The following GPR180 variants were observed in gnomAD, a reference collection of about 807,000 sequenced individuals.
The protein encoded by GPR180 is G protein-coupled receptor 180.
A neutral mutation model predicts 52.6 loss-of-function variants in GPR180; 53 were observed. The ratio of observed to expected loss-of-function variants is 1.01; its 90% confidence interval spans 0.81 to 1.27. The LOEUF is 1.27. Ranked by LOEUF, GPR180 falls within the 50% of genes most tolerant of loss-of-function variation. The probability of loss-of-function intolerance (pLI) is 0.00; values close to 1 mark genes in which losing one functional copy is unlikely to be tolerated. For missense variants in GPR180, 533 were observed against 527.0 expected (o/e 1.01, Z -0.11); for synonymous variants, 200 against 193.1 (o/e 1.04, Z -0.30).
chr13:94,625,025 G>T (rs1889908772), intron 7 of GPR180, among the ~76,000 whole-genome samples: 1 of 149,514 alleles, frequency 6.7e-6, no homozygotes. Context: ...TGTTGGTCAG[G>T]CTGTTCTGGA....
At position 94,601,880 on chromosome 13, in the gene GPR180, C is replaced by T. The variant is rs1454530285; in HGVS notation, c.-48C>T. The T allele has an allele frequency of 5.2e-6, 7 of 1,337,904 alleles. No homozygotes were observed. Among genetic ancestry groups the T allele is most frequent in the Non-Finnish European group, 6.7e-6 (7 of 1,043,938 alleles). The allele number at this position is 1,337,904 out of a possible 1,614,324, so 82.9% of individuals were successfully genotyped here. On this transcript the variant is annotated 5_prime_UTR_variant, in exon 1 of 9. Transcript: ENST00000376958. ...CCAGCTGCCGACGTGGGGCGGGCAG[C>T]CGCCGGCGGCTGGGAGCCGAGGCGT...
At position 94,628,128 on chromosome 13, in the gene GPR180, A is replaced by G. The variant is rs1425923076; in HGVS notation, c.*957A>G. ...TTAATCAGGATTAAATTTTCTATGA[A>G]TAATTGAAAAACAAAACACTCACTG... On this transcript the variant is annotated 3_prime_UTR_variant, in exon 9 of 9. Coordinates refer to ENST00000376958, the MANE Select transcript of GPR180 (RefSeq NM_180989.6). 6.6e-6 allele frequency: 1 copy of G among 152,536 alleles called. No individual in the cohort carries two copies. The highest frequency in any genetic ancestry group is 1.5e-5 in the Non-Finnish European group (1 of 67,928). 9.4% of individuals were successfully genotyped at this position (152,536 alleles called of 1,614,324 possible).
intron 7 of GPR180, among the ~76,000 whole-genome samples, chr13:94,624,529 G>T (rs1457295086): frequency 6.6e-6 from 1 of 152,162 alleles, no homozygotes; most frequent in Non-Finnish European, 1.5e-5. Context: ...TATTTGAGGT[G>T]TTTAGGCATT....
chr13:94,617,722 TCTGA>T (rs1011823447), intron 3 of GPR180, among the ~76,000 whole-genome samples: 49 of 152,304 alleles, frequency 3.2e-4, no homozygotes, highest in African/African-American at 1.1e-3. Flanking sequence ...TATTTTCTTC[TCTGA>T]CTGTTAATTG....
chr13:94,612,912 A>G (rs1889729163), intron 3 of GPR180, among the ~76,000 whole-genome samples: 1 of 151,432 alleles, frequency 6.6e-6, no homozygotes. Context: ...CCTTCATTGA[A>G]GCTTACAACA....
At chr13:94,613,337 G>A (rs1213238891) in intron 3 of GPR180, among the ~76,000 whole-genome samples, 1 of 152,134 alleles carries the variant, frequency 6.6e-6, no homozygotes. Context: ...AGCTAAAAAA[G>A]CAACTTGAGA....
At chr13:94,616,774 GAACA>G (rs10616951) in intron 3 of GPR180, among the ~76,000 whole-genome samples, 52,467 of 151,802 alleles carry the variant, frequency 0.35, 10,588 homozygotes, top group African/African-American at 0.55. Context: ...ATTTCAAAGT[GAACA>G]AACAATTTTT....
chr13:94,605,200 C>G (rs1889613682), intron 1 of GPR180, among the ~76,000 whole-genome samples, 191 bp from the exon 2 acceptor site: 2 of 152,188 alleles, frequency 1.3e-5, no homozygotes, highest in African/African-American at 4.8e-5. Context: ...GGAAATACCA[C>G]ACGTTCATTT....
intron 2 of GPR180, among the ~76,000 whole-genome samples, chr13:94,606,619 C>T (rs191216996): frequency 2.6e-5 from 4 of 152,300 alleles, no homozygotes; most frequent in African/African-American, 9.6e-5. Flanking sequence ...TATTCAGGGA[C>T]TCATCCATAT....
chr13:94,627,413 G>T lies in GPR180; in HGVS notation c.*242G>T. 2.3e-6 allele frequency: 1 copy of T among 427,592 alleles called. No individual in the cohort carries two copies. The highest frequency in any genetic ancestry group is 4.3e-5 in the South Asian group (1 of 23,508). 26.5% of individuals were successfully genotyped at this position (427,592 alleles called of 1,614,324 possible). ...AGTGTTGTTATAAAATTATTGAAGC[G>T]ATTTCTATGTGGAAATAAATGTGAA... On this transcript the variant is annotated 3_prime_UTR_variant, in exon 9 of 9. Transcript: ENST00000376958.
rs753307380 is a variant in GPR180, at chr13:94,619,474, C to T, written c.693C>T (p.Ser231=). ...LANYIHFSSY[S]KDGIGVPFMG... is the part of the protein sequence containing the mutation. ...CTCTTCTTCAATTCCTCAGTTACTC[C>T]AAAGATGGAATAGGGGTACCATTTA... Residue 231 remains serine (S), a synonymous_variant, in exon 5 of 9, where the codon TCC becomes TCT. Coordinates refer to ENST00000376958, the MANE Select transcript of GPR180 (RefSeq NM_180989.6). 6.2e-7 allele frequency: 1 copy of T among 1,612,888 alleles called. No individual in the cohort carries two copies. Among genetic ancestry groups the T allele is most frequent in the Non-Finnish European group, 8.5e-7 (1 of 1,179,316 alleles).
At chr13:94,607,856 G>A (rs75872493) in intron 2 of GPR180, among the ~76,000 whole-genome samples, 1,548 of 152,208 alleles carry the variant, frequency 0.01, 29 homozygotes, top group African/African-American at 0.034. Flanking sequence ...ATGATACCCC[G>A]GTGCTTAGTT....
At chr13:94,606,086 G>GT (rs1889626329) in intron 2 of GPR180, among the ~76,000 whole-genome samples, 4 of 152,206 alleles carry the variant, frequency 2.6e-5, no homozygotes. Context: ...GAGGTTGGGA[G>GT]TTTGAGACCA....
At chr13:94,609,286 T>C (rs1889672718) in intron 2 of GPR180, among the ~76,000 whole-genome samples, 1 of 152,202 alleles carries the variant, frequency 6.6e-6, no homozygotes, top group South Asian at 2.1e-4. Flanking sequence ...AGTTCAAGTT[T>C]TGTTAATATT....
rs369162233 is a variant in GPR180, at chr13:94,624,635, G to A, written c.1087-1331G>A. On this transcript the variant is annotated intron_variant, in intron 7 of 8. Coordinates refer to ENST00000376958, the MANE Select transcript of GPR180 (RefSeq NM_180989.6). ...TGCAGTGGCGTGATCTCGGCTCACT[G>A]CAAGCTCCGCCTTCCGGGTTCATGC... Among the ~76,000 whole-genome samples the A allele has an allele frequency of 1.8e-3, 271 of 152,320 alleles. 2 individuals are homozygous for A. The highest frequency in any genetic ancestry group is 6.2e-3 in the African/African-American group (259 of 41,572).
intron 2 of GPR180, among the ~76,000 whole-genome samples, chr13:94,609,327 G>A (rs940181965): frequency 4.6e-5 from 7 of 152,178 alleles, no homozygotes; most frequent in Non-Finnish European, 7.3e-5. Context: ...CATAGAATAT[G>A]CATGCTGTGT....
chr13:94,613,956 G>A (rs1250277445), intron 3 of GPR180, among the ~76,000 whole-genome samples: 2 of 150,030 alleles, frequency 1.3e-5, no homozygotes, highest in African/African-American at 2.5e-5. Context: ...TCGGCCCACC[G>A]CAACCTCTGC....
intron 2 of GPR180, among the ~76,000 whole-genome samples, chr13:94,608,382 G>C (rs1185022143): frequency 6.6e-6 from 1 of 152,030 alleles, no homozygotes; most frequent in Non-Finnish European, 1.5e-5. Context: ...TCTTTTTCTA[G>C]TTTCTCTTTC....
chr13:94,622,815 TC>T (rs1889868639), intron 6 of GPR180, among the ~76,000 whole-genome samples: 4 of 152,298 alleles, frequency 2.6e-5, no homozygotes, highest in African/African-American at 9.6e-5. Context: ...CCTCAGGTGA[TC>T]CACCCACCTT....
Sources: allele counts gnomAD v4.1 joint callset (sites outside exome capture counted in the v4.1 genomes callset), GRCh38; gene constraint gnomAD v4.1.1; transcripts MANE v1.5; gene names NCBI Gene and HGNC (gene_info 2026-07-23, HGNC 2026-07-21).